The following POU2AF3 variants were observed in gnomAD, a reference collection of about 807,000 sequenced individuals.
The protein encoded by POU2AF3 is cancer susceptibility candidate 13.
the POU2AF3 span, chr11:111,298,988 C>T: frequency 1.5e-5 from 15 of 1,000,674 alleles, no homozygotes; most frequent in Non-Finnish European, 1.8e-5. Context: ...GCGGTCCCTG[C>T]GCGGACCCCG....
At chr11:111,308,516 A>G in the POU2AF3 span, 1 of 1,356,706 alleles carries the variant, frequency 7.4e-7, no homozygotes, top group Non-Finnish European at 9.9e-7. Context: ...CAAAATATGC[A>G]ACTTGGTAAC....
chr11:111,301,218 A>T, the POU2AF3 span, among the ~76,000 whole-genome samples: 1 of 152,216 alleles, frequency 6.6e-6, no homozygotes, highest in Admixed American at 6.5e-5. Context: ...AGGTTATTAC[A>T]AAATTGAACT....
chr11:111,305,658 T>C, the POU2AF3 span, among the ~76,000 whole-genome samples: 1 of 152,206 alleles, frequency 6.6e-6, no homozygotes, highest in Non-Finnish European at 1.5e-5. Context: ...CCTCTCTTCT[T>C]CCAGCATTTA....
At chr11:111,308,248 G>A in the POU2AF3 span, 5 of 1,551,770 alleles carry the variant, frequency 3.2e-6, no homozygotes, top group Non-Finnish European at 4.4e-6. Flanking sequence ...CACACGCCCA[G>A]TACAGCTGCT....
chr11:111,308,330 G>A, the POU2AF3 span: 170 of 1,551,604 alleles, frequency 1.1e-4, no homozygotes, highest in Admixed American at 1.6e-4. Context: ...TCTCCAGGCA[G>A]CAGAGTACTT....
the POU2AF3 span, chr11:111,298,667 C>T: frequency 8.3e-7 from 1 of 1,208,560 alleles, no homozygotes; most frequent in African/African-American, 1.6e-5. Context: ...ACGGCTTTTC[C>T]TGCATAGAAC....
the POU2AF3 span, chr11:111,298,826 G>GGGGGGGGGCCGCC: frequency 2.5e-6 from 2 of 790,962 alleles, no homozygotes; most frequent in Non-Finnish European, 3.4e-6. Context: ...CGTACCCCAG[G>GGGGGGGGGCCGCC]CCCCCGCCCG....
At chr11:111,306,932 A>G in the POU2AF3 span, among the ~76,000 whole-genome samples, 2 of 152,218 alleles carry the variant, frequency 1.3e-5, no homozygotes, top group Non-Finnish European at 2.9e-5. Flanking sequence ...TAAACTGTAA[A>G]GTCAAGAGAC....
the POU2AF3 span, chr11:111,300,700 C>G: frequency 4.6e-5 from 32 of 693,478 alleles, no homozygotes; most frequent in Non-Finnish European, 6.2e-5. Context: ...GTGGAGGCCA[C>G]TCAAGGCCCC....
At chr11:111,302,594 CTG>C in the POU2AF3 span, among the ~76,000 whole-genome samples, 1 of 152,110 alleles carries the variant, frequency 6.6e-6, no homozygotes, top group African/African-American at 2.4e-5. Flanking sequence ...TGACCAGTTT[CTG>C]TTCCCCGGAG....
chr11:111,307,642 G>C, the POU2AF3 span, among the ~76,000 whole-genome samples: 3 of 152,226 alleles, frequency 2.0e-5, no homozygotes, highest in African/African-American at 7.2e-5. Flanking sequence ...GATCCTTGAA[G>C]ATCCAAGTTA....
chr11:111,304,744 A>G, the POU2AF3 span: 1 of 393,028 alleles, frequency 2.5e-6, no homozygotes, highest in African/African-American at 2.1e-5. Context: ...CTTGTTTTTT[A>G]CAATATATTT....
the POU2AF3 span, chr11:111,306,684 G>A: frequency 7.9e-7 from 1 of 1,270,208 alleles, no homozygotes; most frequent in Admixed American, 2.1e-5. Flanking sequence ...ATAGTGCTTT[G>A]TGAGTTTGCA....
chr11:111,299,165 C>T, the POU2AF3 span: 3 of 952,528 alleles, frequency 3.1e-6, no homozygotes, highest in South Asian at 9.7e-5. Context: ...TGGGGAGACC[C>T]TAACTCCTGG....
chr11:111,306,763 T>C, the POU2AF3 span: 1 of 689,234 alleles, frequency 1.5e-6, no homozygotes, highest in Non-Finnish European at 2.4e-6. Flanking sequence ...CAGAGAAGAA[T>C]TTAAAAGTCA....
At chr11:111,308,262 C>T in the POU2AF3 span, 124 of 1,551,680 alleles carry the variant, frequency 8.0e-5, no homozygotes, top group Non-Finnish European at 9.4e-5. Flanking sequence ...AGCTGCTTCT[C>T]CTCGGCCACC....
At chr11:111,307,999 C>G in the POU2AF3 span, 1 of 1,393,834 alleles carries the variant, frequency 7.2e-7, no homozygotes, top group South Asian at 1.6e-5. Flanking sequence ...ATTGGTAAAC[C>G]CACACTGTTC....
At chr11:111,300,473 C>T in the POU2AF3 span, 2 of 920,366 alleles carry the variant, frequency 2.2e-6, no homozygotes, top group Non-Finnish European at 2.8e-6. Flanking sequence ...CCCCACTCTG[C>T]ACCCTGGCAC....
At chr11:111,299,060 T>C in the POU2AF3 span, 2 of 988,096 alleles carry the variant, frequency 2.0e-6, no homozygotes, top group Non-Finnish European at 2.4e-6. Flanking sequence ...GGGGCTGCGG[T>C]AGGCTGGAGC....
Sources: gnomAD v4.1 joint callset for allele counts (sites outside exome capture counted in the v4.1 genomes callset) on GRCh38, gnomAD v4.1.1 for gene constraint, MANE v1.5 for transcripts, NCBI Gene and HGNC (gene_info 2026-07-23, HGNC 2026-07-21) for gene names.